MAP3K1: variants seen among roughly 807,000 people sequenced by gnomAD.
MAP3K1 encodes mitogen-activated protein kinase kinase kinase 1, also known as MAP/ERK kinase kinase 1.
A neutral mutation model predicts 144.2 loss-of-function variants in MAP3K1; 36 were observed. The ratio of observed to expected loss-of-function variants is 0.25; its 90% CI spans 0.19 to 0.33. The LOEUF is 0.33. Ranked by LOEUF, MAP3K1 falls within the 10% of genes least tolerant of loss-of-function variation. The probability of loss-of-function intolerance (pLI) is 1.00; values close to 1 mark genes in which losing one functional copy is unlikely to be tolerated. For missense variants in MAP3K1, 1,650 were observed against 1,881.9 expected (o/e 0.88, Z 2.28); for synonymous variants, 718 against 688.7 (o/e 1.04, Z -0.67).
At chr5:56,831,626 A>C (rs1258960152) in intron 1 of MAP3K1, among the ~76,000 whole-genome samples, 1 of 152,216 alleles carries the variant, frequency 6.6e-6, no homozygotes. Context: ...CTTTTAGAAC[A>C]TTAAACATTA....
At chr5:56,818,591 A>T (rs1746055731) in intron 1 of MAP3K1, among the ~76,000 whole-genome samples, 1 of 152,186 alleles carries the variant, frequency 6.6e-6, no homozygotes, top group African/African-American at 2.4e-5. Context: ...AATCAGTGAA[A>T]GTGCCTGTAA....
rs751446450 is a variant in MAP3K1, at chr5:56,885,974, A to G, written c.4025A>G (p.Lys1342Arg). 11 of 1,612,678 alleles carry G rather than the reference A, an allele frequency of 6.8e-6. No homozygotes were observed. Among genetic ancestry groups the G allele is most frequent in the Non-Finnish European group, 7.6e-6 (9 of 1,178,810 alleles). Residue 1342 changes from lysine to arginine, a missense_variant, in exon 17 of 20, where the codon AAA becomes AGA. Physicochemically the swap from Lys to Arg is conservative, Grantham distance 26 (BLOSUM62 2). This residue lies in a region of MAP3K1 where 165 missense variants were observed against 322.9 expected (regional missense o/e 0.51). Coordinates refer to ENST00000399503, the MANE Select transcript of MAP3K1 (RefSeq NM_005921.2). ...AHLLSKYGAF[K>R]ESVVINYTEQ... ...TTGCTGAGTAAATATGGAGCCTTCA[A>G]AGAATCAGTAGTTATTAACTACACT...
Position 56,894,953 on chromosome 5 carries a change from G to T in MAP3K1, c.*1273G>T. 1 of 232,006 alleles carries T rather than the reference G, an allele frequency of 4.3e-6. No individual in the cohort carries two copies. The highest frequency in any genetic ancestry group is 8.5e-6 in the Non-Finnish European group (1 of 117,268). The allele number at this position is 232,006 out of a possible 1,614,324, so 14.4% of individuals were successfully genotyped here. ...GTTAAATTCAGATGCATGGAATCCT[G>T]AAGGAAAATGGTAGCTTTTTAATCT... On this transcript the variant is annotated 3_prime_UTR_variant, in exon 20 of 20. Coordinates refer to ENST00000399503, the MANE Select transcript of MAP3K1 (RefSeq NM_005921.2).
Position 56,895,270 on chromosome 5 carries a change from T to C in MAP3K1, c.*1590T>C. 4.3e-6 allele frequency: 1 copy of C among 232,324 alleles called. No homozygotes were observed. The highest frequency in any genetic ancestry group is 2.2e-5 in the African/African-American group (1 of 45,430). 14.4% of individuals were successfully genotyped at this position (232,324 alleles called of 1,614,324 possible). A position where few individuals can be genotyped will look rare whatever the true frequency, so the allele number is the denominator to read the frequency against. ...TAGTGAAATTTTACATTCCTTTGTTTTGGAAGATTGGCGATATTTGAAGAG... is the reference window on the plus strand; with the variant it reads ...TAGTGAAATTTTACATTCCTTTGTTCTGGAAGATTGGCGATATTTGAAGAG... On this transcript the variant is annotated 3_prime_UTR_variant, in exon 20 of 20. Transcript: ENST00000399503.
rs750162936 is a variant in MAP3K1 at position 56,883,582 on chromosome 5, C to T, written c.3722C>T (p.Thr1241Ile). The change falls in exon 15 of 20, where the codon ACT (threonine) becomes ATT (isoleucine). Residue 1241 changes from threonine to isoleucine, a missense_variant. Physicochemically the swap from Thr to Ile is moderately conservative, Grantham distance 89. This residue lies in a region of MAP3K1 where 841 missense variants were observed against 886.5 expected (regional missense o/e 0.95). Transcript: ENST00000399503. ...TKAKQPYRED[T>I]EWLKGQQIGL... The stretch of plus-strand genomic sequence containing the variant: ...GCAAAACAACCGTATAGAGAAGACA[C>T]TGAATGGCTGAAAGGTCAACAGATA... 43 of 1,613,984 alleles carry T rather than the reference C, an allele frequency of 2.7e-5. No individual in the cohort carries two copies. The highest frequency in any genetic ancestry group is 5.3e-5 in the African/African-American group (4 of 74,932).
chr5:56,856,882 G>C, intron 2 of MAP3K1, 132 bp downstream of exon 2: 1 of 969,372 alleles, frequency 1.0e-6, no homozygotes, highest in Non-Finnish European at 1.6e-6. Context: ...TTGATATTGT[G>C]GTCATTTGGA....
At chr5:56,836,918 C>A (rs1746671936) in intron 1 of MAP3K1, among the ~76,000 whole-genome samples, 1 of 152,158 alleles carries the variant, frequency 6.6e-6, no homozygotes. Context: ...ACCTTTGTAT[C>A]TTTGACATAA....
At chr5:56,845,170 A>G (rs1746951525) in intron 1 of MAP3K1, among the ~76,000 whole-genome samples, 1 of 152,230 alleles carries the variant, frequency 6.6e-6, no homozygotes, top group Admixed American at 6.5e-5. Context: ...TTAGTGGGGT[A>G]AGAATTATAG....
chr5:56,872,150 TCTAAGTC>T (rs1340549714), intron 7 of MAP3K1, 119 bp downstream of exon 7: 1 of 1,325,944 alleles, frequency 7.5e-7, no homozygotes, highest in South Asian at 1.2e-5. Flanking sequence ...AAAAAGTATA[TCTAAGTC>T]CTAAGTCCTA....
rs1037845312 is a variant in MAP3K1 at position 56,895,349 on chromosome 5, ACTTT to A, written c.*1674_*1677del. 1.1e-4 allele frequency: 24 copies of A among 211,410 alleles called. No homozygotes were observed. Among genetic ancestry groups the A allele is most frequent in the African/African-American group, 2.1e-4 (9 of 42,160 alleles). 13.1% of individuals were successfully genotyped at this position (211,410 alleles called of 1,614,324 possible). A position where few individuals can be genotyped will look rare whatever the true frequency, so the allele number is the denominator to read the frequency against. The stretch of plus-strand genomic sequence containing the variant: ...GGTATCTCTAAATGTGTTGTACTTG[ACTTT>A]CTTTTTTATTTTGTTTTTTTTTTTT... On this transcript the variant is annotated 3_prime_UTR_variant, in exon 20 of 20. Transcript: ENST00000399503.
chr5:56,867,974 A>C (rs1352604811), intron 6 of MAP3K1, among the ~76,000 whole-genome samples: 1 of 152,204 alleles, frequency 6.6e-6, no homozygotes, highest in East Asian at 1.9e-4. Flanking sequence ...AGTAAAACCA[A>C]ATCTAGGTTA....
intron 1 of MAP3K1, among the ~76,000 whole-genome samples, chr5:56,842,920 G>A (rs1045732096): frequency 1.3e-5 from 2 of 152,064 alleles, no homozygotes; most frequent in Non-Finnish European, 2.9e-5. Flanking sequence ...AGGCAGTCTC[G>A]CTCCAGAACT....
chr5:56,820,880 C>G (rs1561160302), intron 1 of MAP3K1: 1 of 705,498 alleles, frequency 1.4e-6, no homozygotes, highest in African/African-American at 1.9e-5. Context: ...GATGGGGATA[C>G]AGAGGGGATA....
chr5:56,889,674 C>T (rs929329541), intron 19 of MAP3K1, among the ~76,000 whole-genome samples: 2 of 152,164 alleles, frequency 1.3e-5, no homozygotes, highest in African/African-American at 4.8e-5. Context: ...GGCTCTACCC[C>T]TTAATGGCCA....
intron 6 of MAP3K1, among the ~76,000 whole-genome samples, chr5:56,868,816 G>A (rs1230706498): frequency 6.6e-6 from 1 of 152,058 alleles, no homozygotes; most frequent in Non-Finnish European, 1.5e-5. Context: ...AAGCAACCCA[G>A]GTGTCCATCA....
chr5:56,872,658 A>G lies in MAP3K1; in HGVS notation c.1441A>G (p.Arg481Gly). The G allele has an allele frequency of 1.2e-6, 2 of 1,603,822 alleles. No homozygotes were observed. Among genetic ancestry groups the G allele is most frequent in the Non-Finnish European group, 1.7e-6 (2 of 1,171,536 alleles). ...TTTTTCAGGGGCAGAAGAGTGTAGA[A>G]GAAATAGAGAACCTTTAATATGTCC... ...CMSIWAEECRRNREPLICPLC... is the reference protein window; with the variant it reads ...CMSIWAEECRGNREPLICPLC... The change falls in exon 8 of 20, where the codon AGA becomes GGA. Residue 481 changes from arginine to glycine, a missense_variant. By Grantham distance (125) the Arg-to-Gly change is moderately radical. Transcript: ENST00000399503.
At chr5:56,856,977 C>T (rs1333931857) in intron 2 of MAP3K1, among the ~76,000 whole-genome samples, 1 of 152,136 alleles carries the variant, frequency 6.6e-6, no homozygotes, top group African/African-American at 2.4e-5. Context: ...GGGGTAAATG[C>T]TTAAACCAAG....
intron 6 of MAP3K1, among the ~76,000 whole-genome samples, chr5:56,866,638 G>A (rs982458295): frequency 2.6e-5 from 4 of 152,194 alleles, no homozygotes; most frequent in Admixed American, 6.5e-5. Context: ...TGTTATTCCC[G>A]AAGTGCCCAG....
chr5:56,850,526 C>G (rs998542413), intron 1 of MAP3K1, among the ~76,000 whole-genome samples: 2 of 152,150 alleles, frequency 1.3e-5, no homozygotes, highest in African/African-American at 2.4e-5. Flanking sequence ...TAAAAACTTA[C>G]AAAACTTGTT....
Sources: gnomAD v4.1 joint callset for allele counts (sites outside exome capture counted in the v4.1 genomes callset) on GRCh38, gnomAD v4.1.1 for gene constraint, gnomAD v4.1.1 regional missense constraint, MANE v1.5 for transcripts, NCBI Gene and HGNC (gene_info 2026-07-23, HGNC 2026-07-21) for gene names.